The following ZNF565 variants were observed in gnomAD, a reference collection of about 807,000 sequenced individuals.
ZNF565 encodes the protein zinc finger protein 565.
ZNF565 carries 27 observed loss-of-function variants against 39.4 expected under a neutral mutation model. The ratio of observed to expected loss-of-function variants is 0.69; its 90% CI spans 0.51 to 0.95. The LOEUF is 0.95. ZNF565 is among the 40% of genes least tolerant of loss of function. The pLI is 0.00. For missense variants in ZNF565, 524 were observed against 621.1 expected (o/e 0.84, Z 1.66); for synonymous variants, 185 against 216.6 (o/e 0.85, Z 1.28).
chr19:36,217,732 A>G (rs1243332326), upstream of ZNF565, among the ~76,000 whole-genome samples: 7 of 152,066 alleles, frequency 4.6e-5, no homozygotes, highest in Non-Finnish European at 7.4e-5. Flanking sequence ...TAAAAATACA[A>G]AATTAGCCAG....
At chr19:36,236,611 G>C in intron 1 of ZNF565, 1 of 1,614,152 alleles carries the variant, frequency 6.2e-7, no homozygotes, top group African/African-American at 1.3e-5. Context: ...GCCAAAAGCA[G>C]TATGTCATTA....
At chr19:36,196,914 G>A (rs1975780342) in intron 2 of ZNF565, among the ~76,000 whole-genome samples, 1 of 152,088 alleles carries the variant, frequency 6.6e-6, no homozygotes, top group Admixed American at 6.6e-5. Flanking sequence ...AAAATTAGCT[G>A]CGCGTGGTGG....
At chr19:36,211,447 T>TCACA (rs1307572252) in intron 1 of ZNF565, among the ~76,000 whole-genome samples, 94 of 110,044 alleles carry the variant, frequency 8.5e-4, no homozygotes, top group Middle Eastern at 4.7e-3. Flanking sequence ...TCCAACTCTC[T>TCACA]CTCACACACA....
intron 2 of ZNF565, among the ~76,000 whole-genome samples, chr19:36,199,365 T>C (rs1321170689): frequency 6.6e-6 from 1 of 152,102 alleles, no homozygotes; most frequent in East Asian, 1.9e-4. Flanking sequence ...ACAAAACAGA[T>C]GTTACCACAT....
chr19:36,196,487 A>G (rs2145329523), intron 2 of ZNF565, among the ~76,000 whole-genome samples: 1 of 152,364 alleles, frequency 6.6e-6, no homozygotes, highest in South Asian at 2.1e-4. Flanking sequence ...GCACAGTTAT[A>G]TGACTAGAGG....
chr19:36,216,042 C>T (rs1286197799), upstream of ZNF565, among the ~76,000 whole-genome samples: 1 of 152,108 alleles, frequency 6.6e-6, no homozygotes, highest in African/African-American at 2.4e-5. Flanking sequence ...GAAATCACCC[C>T]GCCCCCGCTG....
chr19:36,191,292 C>T (rs1196771491), intron 4 of ZNF565, among the ~76,000 whole-genome samples: 2 of 148,722 alleles, frequency 1.3e-5, no homozygotes, highest in Non-Finnish European at 3.0e-5. Flanking sequence ...AAGATATGAT[C>T]GATTTCCTAC....
chr19:36,223,133 T>C (rs1976924234), intron 1 of ZNF565, among the ~76,000 whole-genome samples: 1 of 151,718 alleles, frequency 6.6e-6, no homozygotes, highest in African/African-American at 2.4e-5. Flanking sequence ...TTCAAAACTT[T>C]TGGCTGGGCG....
At chr19:36,240,580 A>G (rs1346032785) in intron 1 of ZNF565, among the ~76,000 whole-genome samples, 2 of 152,214 alleles carry the variant, frequency 1.3e-5, no homozygotes, top group African/African-American at 4.8e-5. Context: ...TAAAATGGCC[A>G]TGAAGGGGCT....
In ZNF565 at chr19:36,194,882, C is replaced by T. The variant is rs574013224; in HGVS notation, c.136+148G>A. 85 of 1,218,622 alleles carry T rather than the reference C, an allele frequency of 7.0e-5. No homozygotes were observed. In the East Asian group the frequency reaches 1.9e-3, roughly 28 times the overall value. 75.5% of individuals were successfully genotyped at this position (1,218,622 alleles called of 1,614,324 possible). On this transcript the variant is annotated intron_variant, in intron 3 of 4. Transcript: ENST00000304116. ...GGAAGTAGCTACAGCTATTGCTGGC[C>T]GGGCCTCTCTCTATGGCTGTAGTTT...
intron 1 of ZNF565, among the ~76,000 whole-genome samples, chr19:36,212,143 G>C (rs116689566): frequency 7.6e-4 from 115 of 152,234 alleles, no homozygotes; most frequent in African/African-American, 2.2e-3. Flanking sequence ...CATCGCTTTC[G>C]GAGTATTCTT....
At chr19:36,191,656 A>G (rs1467720564) in intron 4 of ZNF565, among the ~76,000 whole-genome samples, 1 of 152,182 alleles carries the variant, frequency 6.6e-6, no homozygotes, top group Non-Finnish European at 1.5e-5. Flanking sequence ...CAGCCCATAG[A>G]ATAAAATAAA....
At chr19:36,235,078 G>C (rs1977588621) in intron 1 of ZNF565, among the ~76,000 whole-genome samples, 1 of 151,844 alleles carries the variant, frequency 6.6e-6, no homozygotes, top group African/African-American at 2.4e-5. Context: ...GTATGGTGGT[G>C]CACACCTGTA....
chr19:36,190,035 T>C (rs1347721778), intron 4 of ZNF565, among the ~76,000 whole-genome samples: 6 of 152,010 alleles, frequency 3.9e-5, no homozygotes, highest in East Asian at 3.9e-4. Context: ...GGTTTCACCA[T>C]GTTGGCCAGA....
At chr19:36,233,463 C>T (rs980376060) in intron 1 of ZNF565, among the ~76,000 whole-genome samples, 12 of 151,906 alleles carry the variant, frequency 7.9e-5, no homozygotes, top group Non-Finnish European at 1.0e-4. Flanking sequence ...GAAAAATGGG[C>T]CCAGGGGACC....
intron 1 of ZNF565, among the ~76,000 whole-genome samples, chr19:36,225,847 A>G (rs1207815139): frequency 5.3e-5 from 7 of 133,238 alleles, no homozygotes; most frequent in Non-Finnish European, 1.1e-4. Flanking sequence ...TGCAACGTCC[A>G]CCTCCCAGGC....
chr19:36,218,994 G>A (rs180840344), upstream of ZNF565, among the ~76,000 whole-genome samples: 2,200 of 150,910 alleles, frequency 0.015, 49 homozygotes, highest in African/African-American at 0.05. Context: ...ATTTTTAGTA[G>A]AGACGGGATT....
At chr19:36,222,591 C>T (rs1976894041) in intron 1 of ZNF565, among the ~76,000 whole-genome samples, 1 of 152,100 alleles carries the variant, frequency 6.6e-6, no homozygotes, top group Non-Finnish European at 1.5e-5. Flanking sequence ...ATCTGAACTT[C>T]AGTGTAGGTT....
chr19:36,220,456 C>T (rs748834890), intron 1 of ZNF565, among the ~76,000 whole-genome samples: 1 of 152,026 alleles, frequency 6.6e-6, no homozygotes, highest in Non-Finnish European at 1.5e-5. Flanking sequence ...TCTCCGCCTC[C>T]TGGGTTCAAG....
Sources: gnomAD v4.1 joint callset for allele counts (sites outside exome capture counted in the v4.1 genomes callset) on GRCh38, gnomAD v4.1.1 for gene constraint, MANE v1.5 for transcripts, NCBI Gene and HGNC (gene_info 2026-07-23, HGNC 2026-07-21) for gene names.